Variants in CDH18 observed in about 807,000 individuals in gnomAD.
CDH18 encodes cadherin 18.
In CDH18, 31 loss-of-function variants were observed where a neutral mutation model predicts 67.9. The ratio of observed to expected loss-of-function variants is 0.46; its 90% CI spans 0.34 to 0.62. The LOEUF (loss-of-function observed/expected upper bound fraction) is 0.62, where lower values mean the gene tolerates loss of function less well. Ranked by LOEUF, CDH18 falls within the 20% of genes least tolerant of loss-of-function variation. The pLI is 0.01. For missense variants in CDH18, 890 were observed against 975.5 expected (o/e 0.91, Z 1.17); for synonymous variants, 362 against 347.2 (o/e 1.04, Z -0.48).
chr5:20,072,795 A>G (rs1743597492), intron 2 of CDH18, among the ~76,000 whole-genome samples: 1 of 151,960 alleles, frequency 6.6e-6, no homozygotes. Flanking sequence ...AAATTAATCT[A>G]TGATTATTAA....
rs70950088 is a variant in CDH18, at chr5:19,709,004, T to TATCAATAAATAAA, written c.643+12342_643+12343insTTTATTTATTGAT. On this transcript the variant is annotated intron_variant, in intron 5 of 12. Transcript: ENST00000382275. ...GCCCGGGCAACAGAACTAGACTCTG[T>TATCAATAAATAAA]TAAATAAATAAATAAATAAATAAAT... Among the ~76,000 whole-genome samples the TATCAATAAATAAA allele has an allele frequency of 4.2e-4, 62 of 149,072 alleles. 2 individuals are homozygous for TATCAATAAATAAA. Among genetic ancestry groups the TATCAATAAATAAA allele is most frequent in the Admixed American group, 4.0e-3 (59 of 14,784 alleles).
intron 1 of CDH18, among the ~76,000 whole-genome samples, chr5:20,363,023 C>T (rs1340512150): frequency 6.6e-6 from 1 of 152,138 alleles, no homozygotes; most frequent in Non-Finnish European, 1.5e-5. Flanking sequence ...GGTATGACTG[C>T]CTTTGCCACC....
chr5:20,557,319 T>C (rs892402271), intron 1 of CDH18, among the ~76,000 whole-genome samples: 1 of 151,992 alleles, frequency 6.6e-6, no homozygotes, highest in African/African-American at 2.4e-5. Context: ...AAAGAAAATA[T>C]GAATGCAAAT....
intron 2 of CDH18, among the ~76,000 whole-genome samples, chr5:20,175,528 T>C (rs1737164942): frequency 6.6e-6 from 1 of 152,164 alleles, no homozygotes. Flanking sequence ...GAAGATTGTC[T>C]AGTAGCATTG....
In CDH18 at chr5:19,597,629, T is replaced by C. The variant is rs535362342; in HGVS notation, c.812-6385A>G. 9.2e-5 allele frequency among the ~76,000 whole-genome samples: 14 copies of C among 152,318 alleles called. No homozygotes were observed. The South Asian group carries it at 2.5e-3, about 27-fold the overall frequency. On this transcript the variant is annotated intron_variant, in intron 6 of 12. Coordinates refer to ENST00000382275, the MANE Select transcript of CDH18 (RefSeq NM_004934.5). ...CAGAAAAAAAAACAAATAAAAAATG[T>C]CATGAAACACACACGTATGCTGTCA...
intron 1 of CDH18, among the ~76,000 whole-genome samples, chr5:20,502,021 A>C (rs945217369): frequency 1.3e-5 from 2 of 152,050 alleles, no homozygotes; most frequent in African/African-American, 2.4e-5. Context: ...TTGTCAGAGA[A>C]AGAAGTAAAC....
At chr5:19,820,301 G>T (rs892359013) in intron 3 of CDH18, among the ~76,000 whole-genome samples, 1 of 152,138 alleles carries the variant, frequency 6.6e-6, no homozygotes, top group Non-Finnish European at 1.5e-5. Context: ...GGCACAGAAG[G>T]TTTGGCACAA....
chr5:20,482,455 C>A (rs1752879773), intron 1 of CDH18, among the ~76,000 whole-genome samples: 1 of 151,732 alleles, frequency 6.6e-6, no homozygotes, highest in Admixed American at 6.6e-5. Flanking sequence ...TACCCTGATA[C>A]CAAAATTAGA....
intron 5 of CDH18, among the ~76,000 whole-genome samples, chr5:19,703,050 C>T (rs928391505): frequency 2.6e-5 from 4 of 151,544 alleles, no homozygotes; most frequent in African/African-American, 7.2e-5. Flanking sequence ...TAAATATGTG[C>T]GTAAAACTCT....
At chr5:20,244,546 A>G (rs1002726965) in intron 2 of CDH18, among the ~76,000 whole-genome samples, 1 of 152,114 alleles carries the variant, frequency 6.6e-6, no homozygotes, top group Non-Finnish European at 1.5e-5. Flanking sequence ...TTTCTCAAAA[A>G]ATCTTGACTT....
chr5:19,986,201 T>C (rs1296642167), intron 1 of CDH18, among the ~76,000 whole-genome samples: 1 of 152,230 alleles, frequency 6.6e-6, no homozygotes, highest in Non-Finnish European at 1.5e-5. Context: ...AAATCAGTCA[T>C]TGAGAGGAAT....
At chr5:19,701,793 A>G (rs1473301483) in intron 5 of CDH18, among the ~76,000 whole-genome samples, 1 of 151,976 alleles carries the variant, frequency 6.6e-6, no homozygotes, top group Non-Finnish European at 1.5e-5. Flanking sequence ...CAGAGACAAA[A>G]CTCTTTATCT....
chr5:19,815,328 A>G (rs979368270), intron 3 of CDH18, among the ~76,000 whole-genome samples: 6 of 151,974 alleles, frequency 3.9e-5, no homozygotes, highest in African/African-American at 1.4e-4. Context: ...AAGCTTTCCC[A>G]TTTCAAGGAA....
chr5:19,971,529 C>T (rs1294563834), intron 2 of CDH18, among the ~76,000 whole-genome samples: 1 of 151,980 alleles, frequency 6.6e-6, no homozygotes, highest in Non-Finnish European at 1.5e-5. Flanking sequence ...CTTGGTACAT[C>T]AGTGGAGGTT....
At chr5:20,455,617 AGTT>A (rs766702358) in intron 1 of CDH18, among the ~76,000 whole-genome samples, 2 of 152,136 alleles carry the variant, frequency 1.3e-5, no homozygotes, top group Non-Finnish European at 2.9e-5. Flanking sequence ...GAAATCGTGA[AGTT>A]TTAATTAGAT....
chr5:20,464,860 T>C (rs1007855131), intron 1 of CDH18, among the ~76,000 whole-genome samples: 1 of 151,990 alleles, frequency 6.6e-6, no homozygotes, highest in Non-Finnish European at 1.5e-5. Context: ...AAGAAAAACT[T>C]GCCAAGTTGA....
At chr5:19,880,444 C>T (rs950677207) in intron 2 of CDH18, among the ~76,000 whole-genome samples, 3 of 151,996 alleles carry the variant, frequency 2.0e-5, no homozygotes, top group African/African-American at 7.2e-5. Flanking sequence ...AGATAACCAT[C>T]AAATCTATAG....
At chr5:19,523,159 A>G (rs1351279969) in intron 9 of CDH18, among the ~76,000 whole-genome samples, 1 of 152,154 alleles carries the variant, frequency 6.6e-6, no homozygotes. Context: ...AAGAATAATG[A>G]CATTGATCTT....
chr5:20,130,112 T>C (rs1227421100), intron 2 of CDH18, among the ~76,000 whole-genome samples: 3 of 141,874 alleles, frequency 2.1e-5, no homozygotes, highest in Non-Finnish European at 3.1e-5. Flanking sequence ...GTTTGGAAAA[T>C]GCAAGTAATA....
Sources: allele counts gnomAD v4.1 joint callset (sites outside exome capture counted in the v4.1 genomes callset), GRCh38; gene constraint gnomAD v4.1.1; transcripts MANE v1.5; gene names NCBI Gene and HGNC (gene_info 2026-07-23, HGNC 2026-07-21).